Variants in NT5C1B observed in about 807,000 individuals in gnomAD.
The protein encoded by NT5C1B is cytosolic 5'-nucleotidase 1B.
Under a neutral mutation model 57.8 loss-of-function variants are expected in NT5C1B, and 44 were observed. The observed-to-expected ratio is 0.76, with a 90% CI of 0.60 to 0.98. The LOEUF (loss-of-function observed/expected upper bound fraction) is 0.98. NT5C1B is among the 50% of genes least tolerant of loss of function. NT5C1B has a pLI of 0.00. For synonymous variants in NT5C1B, 284 were observed against 282.6 expected (o/e 1.00, Z -0.05); for missense variants, 742 against 719.5 (o/e 1.03, Z -0.36).
chr2:18,589,396 C>T, intron 1 of NT5C1B, 43 bp downstream of exon 1: 3 of 1,613,798 alleles, frequency 1.9e-6, no homozygotes, highest in Non-Finnish European at 2.5e-6. Context: ...ATCCACATTT[C>T]TTCAGCCCCA....
intron 6 of NT5C1B, among the ~76,000 whole-genome samples, chr2:18,580,060 A>G (rs1666047655): frequency 6.6e-6 from 1 of 152,194 alleles, no homozygotes; most frequent in African/African-American, 2.4e-5. Context: ...TCATTAGAGA[A>G]AATCAAATCA....
At chr2:18,567,196 G>C (rs994812429) in intron 8 of NT5C1B, among the ~76,000 whole-genome samples, 6 of 152,140 alleles carry the variant, frequency 3.9e-5, no homozygotes, top group African/African-American at 1.4e-4. Context: ...TACAGGTGTG[G>C]AGGAGGGGAG....
rs3046807 is a variant in NT5C1B, at chr2:18,568,087, G to GACACACACACACACACAC, written c.1330-3986_1330-3969dup. On this transcript the variant is annotated intron_variant, in intron 8 of 8. Coordinates refer to ENST00000304081, the Ensembl canonical transcript of NT5C1B. ...AGAGCAGAGCATTGAAATGCTGTGG[G>GACACACACACACACACAC]ACACACACACACACACACACACACA... Among the ~76,000 whole-genome samples, 20 of 142,704 alleles carry GACACACACACACACACAC rather than the reference G, an allele frequency of 1.4e-4. No homozygotes were observed. In the East Asian group the frequency reaches 2.1e-3, roughly 15 times the overall value. The allele number at this position is 142,704 out of a possible 152,430, so 93.6% of individuals were successfully genotyped here.
chr2:18,588,619 T>C (rs1666935802), intron 1 of NT5C1B, among the ~76,000 whole-genome samples: 2 of 152,188 alleles, frequency 1.3e-5, no homozygotes, highest in Non-Finnish European at 2.9e-5. Context: ...CCAGTTCCTT[T>C]TTTCTATCTC....
intron 2 of NT5C1B, 199 bp downstream of exon 2, chr2:18,587,304 G>C: frequency 6.8e-7 from 1 of 1,477,654 alleles, no homozygotes. Flanking sequence ...CATTCGAAGT[G>C]AACACTAGGG....
At chr2:18,572,249 G>A (rs1449158802) in intron 8 of NT5C1B, among the ~76,000 whole-genome samples, 1 of 152,046 alleles carries the variant, frequency 6.6e-6, no homozygotes, top group Non-Finnish European at 1.5e-5. Context: ...GGATAAGGAG[G>A]AAAAATGAAC....
intron 6 of NT5C1B, among the ~76,000 whole-genome samples, chr2:18,580,019 A>G (rs1489275031): frequency 6.6e-6 from 1 of 152,178 alleles, no homozygotes; most frequent in Non-Finnish European, 1.5e-5. Flanking sequence ...GCAGCCAACA[A>G]GCGTATGAAA....
At chr2:18,585,595 C>T (rs942341059) in intron 3 of NT5C1B, among the ~76,000 whole-genome samples, 27 of 152,178 alleles carry the variant, frequency 1.8e-4, no homozygotes, top group African/African-American at 6.3e-4. Context: ...ATAGAATCAT[C>T]TTCCCAAATA....
chr2:18,584,479 G>GC lies in NT5C1B; in HGVS notation c.723+34dup. On this transcript the variant is annotated intron_variant, in intron 4 of 8. Coordinates refer to ENST00000304081, the Ensembl canonical transcript of NT5C1B. The surrounding 1 kb of genome is among the most constrained non-coding windows in gnomAD (Gnocchi z 5.8). ...CGGCTGGAAGAGGCTGCAAGGAAGG[G>GC]CGCCCCGGCTGCCAGGGGCGGCGGG... The GC allele has an allele frequency of 1.3e-6, 2 of 1,589,412 alleles. No homozygotes were observed. Among genetic ancestry groups the GC allele is most frequent in the Non-Finnish European group, 1.7e-6 (2 of 1,168,822 alleles).
intron 6 of NT5C1B, among the ~76,000 whole-genome samples, chr2:18,580,515 T>G (rs925983428): frequency 6.6e-6 from 1 of 152,154 alleles, no homozygotes; most frequent in African/African-American, 2.4e-5. Context: ...CTCGGGAGGC[T>G]GAGGCAGGAG....
intron 6 of NT5C1B, among the ~76,000 whole-genome samples, chr2:18,582,357 G>T (rs2148156593): frequency 6.6e-6 from 1 of 152,274 alleles, no homozygotes; most frequent in Admixed American, 6.5e-5. Context: ...TTCTCTTAAA[G>T]TCCCCAACAC....
chr2:18,577,067 G>T (rs1665751032), intron 6 of NT5C1B, among the ~76,000 whole-genome samples, 172 bp from the exon 7 acceptor site: 2 of 152,028 alleles, frequency 1.3e-5, no homozygotes. Flanking sequence ...TCATCTTATG[G>T]TACCAATATT....
exon 7 of NT5C1B, chr2:18,576,879 G>A (rs1665729421): frequency 6.2e-7 from 1 of 1,613,664 alleles, no homozygotes; most frequent in Non-Finnish European, 8.5e-7. Context: ...TCAGACAGAA[G>A]CGGTCAATCA....
At chr2:18,585,623 A>C (rs1666634240) in intron 3 of NT5C1B, among the ~76,000 whole-genome samples, 1 of 152,200 alleles carries the variant, frequency 6.6e-6, no homozygotes, top group Non-Finnish European at 1.5e-5. Flanking sequence ...GCCATTCTAG[A>C]GAAAAAACTC....
At chr2:18,587,523 C>T (rs1336526316) in exon 2 of NT5C1B, 16 of 1,613,854 alleles carry the variant, frequency 9.9e-6, no homozygotes, top group Non-Finnish European at 1.4e-5. Flanking sequence ...AGACGAACTC[C>T]TGTTTTGTCA....
chr2:18,589,359 C>A, intron 1 of NT5C1B, 80 bp downstream of exon 1: 1 of 1,590,878 alleles, frequency 6.3e-7, no homozygotes, highest in Non-Finnish European at 8.6e-7. Context: ...ATTGCAGAGC[C>A]TTTGCAGAGG....
chr2:18,575,397 A>C (rs1572339660), intron 8 of NT5C1B, among the ~76,000 whole-genome samples: 1 of 152,118 alleles, frequency 6.6e-6, no homozygotes, highest in African/African-American at 2.4e-5. Flanking sequence ...TAGTCTATTC[A>C]TACTTTTATG....
exon 1 of NT5C1B, chr2:18,589,479 G>C (rs370091625): frequency 3.1e-6 from 5 of 1,613,774 alleles, no homozygotes; most frequent in Non-Finnish European, 4.2e-6. Context: ...TTTTTTACCT[G>C]TTGAAATTCT....
At chr2:18,566,575 C>T (rs1463033439) in intron 8 of NT5C1B, among the ~76,000 whole-genome samples, 1 of 152,206 alleles carries the variant, frequency 6.6e-6, no homozygotes. Context: ...CACAGTTTCC[C>T]TTGCTGTTTT....
Sources: gnomAD v4.1 joint callset for allele counts (sites outside exome capture counted in the v4.1 genomes callset) on GRCh38, gnomAD v4.1.1 for gene constraint, Gnocchi (gnomAD v3.1) non-coding constraint, MANE v1.5 for transcripts, NCBI Gene and HGNC (gene_info 2026-07-23, HGNC 2026-07-21) for gene names.